Variants in CAPN13 observed in about 807,000 individuals in gnomAD.
CAPN13 encodes the protein calpain 13.
CAPN13 carries 90 observed loss-of-function variants against 98.4 expected under a neutral mutation model. The observed-to-expected ratio is 0.92, with a 90% CI of 0.77 to 1.09. The LOEUF (loss-of-function observed/expected upper bound fraction) is 1.09, where lower values mean the gene tolerates loss of function less well. Ranked by LOEUF, CAPN13 falls within the 50% of genes least tolerant of loss-of-function variation. The probability of loss-of-function intolerance (pLI) is 0.00; values close to 1 mark genes in which losing one functional copy is unlikely to be tolerated. For missense variants in CAPN13, 887 were observed against 841.3 expected (o/e 1.05, Z -0.67); for synonymous variants, 330 against 305.5 (o/e 1.08, Z -0.84).
At chr2:30,769,895 C>T (rs1316165597) in intron 5 of CAPN13, among the ~76,000 whole-genome samples, 1 of 152,134 alleles carries the variant, frequency 6.6e-6, no homozygotes, top group Non-Finnish European at 1.5e-5. Context: ...CACCTATCCC[C>T]TCTCCCCTTG....
intron 15 of CAPN13, chr2:30,741,667 C>T (rs1377554369): frequency 4.4e-6 from 6 of 1,361,328 alleles, no homozygotes; most frequent in Non-Finnish European, 4.7e-6. Context: ...TTATCCCCTC[C>T]CTTTCTAAGC....
At chr2:30,759,804 C>G (rs1432194867) in intron 7 of CAPN13, among the ~76,000 whole-genome samples, 1 of 152,200 alleles carries the variant, frequency 6.6e-6, no homozygotes, top group Non-Finnish European at 1.5e-5. Context: ...TTGGATGTGG[C>G]TGTGACCTTG....
intron 20 of CAPN13, among the ~76,000 whole-genome samples, chr2:30,732,175 C>G (rs1343930445): frequency 1.7e-4 from 26 of 152,110 alleles, no homozygotes; most frequent in Admixed American, 1.7e-3. Flanking sequence ...GAGACGGGGA[C>G]AGCGTTAACC....
chr2:30,763,161 A>G lies in CAPN13; in HGVS notation c.700-5T>C, dbSNP rs1313228095. ...CGCCTGTGCTGTATCTGTTGGCTTC[A>G]AGGCAGAAAAGCAGATCAAACATTA... On this transcript the variant is annotated splice_region_variant and splice_polypyrimidine_tract_variant and intron_variant, in intron 6 of 22. Transcript: ENST00000295055. The G allele has an allele frequency of 6.2e-7, 1 of 1,609,472 alleles. No individual in the cohort carries two copies. Among genetic ancestry groups the G allele is most frequent in the Non-Finnish European group, 8.5e-7 (1 of 1,177,686 alleles).
At chr2:30,778,948 G>T (rs1673842967) in intron 2 of CAPN13, among the ~76,000 whole-genome samples, 1 of 152,186 alleles carries the variant, frequency 6.6e-6, no homozygotes, top group African/African-American at 2.4e-5. Flanking sequence ...GCCTTCGGCT[G>T]CATGCAGAGC....
At chr2:30,753,823 G>A (rs561346517) in intron 9 of CAPN13, among the ~76,000 whole-genome samples, 22 of 152,150 alleles carry the variant, frequency 1.4e-4, no homozygotes, top group Non-Finnish European at 2.2e-4. Context: ...GGCCGAGAAC[G>A]TGTTTTCAAA....
chr2:30,804,364 C>T (rs6734715), intron 1 of CAPN13, among the ~76,000 whole-genome samples: 18 of 152,244 alleles, frequency 1.2e-4, no homozygotes, highest in African/African-American at 4.3e-4. Flanking sequence ...CCATGCCTGT[C>T]TAATTTTTTT....
At chr2:30,744,585 T>C (rs552227107) in intron 12 of CAPN13, among the ~76,000 whole-genome samples, 100 of 152,246 alleles carry the variant, frequency 6.6e-4, no homozygotes, top group African/African-American at 2.4e-3. Flanking sequence ...GCAGCATGCC[T>C]CCTATAATTA....
intron 22 of CAPN13, among the ~76,000 whole-genome samples, chr2:30,727,007 A>G (rs1355965538): frequency 6.6e-6 from 1 of 152,224 alleles, no homozygotes; most frequent in Non-Finnish European, 1.5e-5. Context: ...ACATAAATCA[A>G]TTGAACAGAA....
intron 2 of CAPN13, among the ~76,000 whole-genome samples, chr2:30,783,546 A>G (rs1674101589): frequency 6.6e-6 from 1 of 152,236 alleles, no homozygotes; most frequent in Admixed American, 6.5e-5. Flanking sequence ...GTAAGATGGC[A>G]GGGAGGAGAA....
Position 30,787,047 on chromosome 2 carries a change from C to T in CAPN13, c.198+81G>A, listed in dbSNP as rs113145111. On this transcript the variant is annotated intron_variant, in intron 2 of 22. Transcript: ENST00000295055. ...TTCTCCTTCCAGTTTGGTTTGGCTC[C>T]ACCTCCTTTTGGCTGGAGGTGCCAT... 3.2e-4 allele frequency: 365 copies of T among 1,151,854 alleles called. 1 individual carries two copies. The African/African-American group carries it at 4.7e-3, about 15-fold the overall frequency. 71.4% of individuals were successfully genotyped at this position (1,151,854 alleles called of 1,614,324 possible).
chr2:30,774,262 A>G (rs1173861043), intron 4 of CAPN13, among the ~76,000 whole-genome samples: 1 of 152,066 alleles, frequency 6.6e-6, no homozygotes, highest in Non-Finnish European at 1.5e-5. Flanking sequence ...AAATTAGGAG[A>G]AAGTATAAAG....
chr2:30,758,339 A>G (rs1326186479), intron 7 of CAPN13, among the ~76,000 whole-genome samples: 1 of 152,228 alleles, frequency 6.6e-6, no homozygotes, highest in Non-Finnish European at 1.5e-5. Context: ...TAGACAAGGA[A>G]ATGGCCCCTC....
chr2:30,752,995 G>A (rs1672255267), intron 10 of CAPN13, 58 bp downstream of exon 10: 2 of 1,591,938 alleles, frequency 1.3e-6, no homozygotes, highest in Non-Finnish European at 1.7e-6. Context: ...CCATGCAAGG[G>A]CTGGGCTGGG....
intron 2 of CAPN13, 79 bp from the exon 3 acceptor site, chr2:30,777,718 C>A: frequency 1.6e-6 from 2 of 1,221,650 alleles, no homozygotes; most frequent in Non-Finnish European, 2.4e-6. Flanking sequence ...CTTTGTCTTT[C>A]AAGGGTCGAG....
In CAPN13 at chr2:30,770,179, C is replaced by T. The variant is rs978873901; in HGVS notation, c.524+134G>A. The stretch of plus-strand genomic sequence containing the variant: ...CTGATGGCCCCAACATGGACCTTTG[C>T]ACGTGGTGATTGTTTATGGAGATGC... On this transcript the variant is annotated intron_variant, in intron 5 of 22. Transcript: ENST00000295055. The T allele has an allele frequency of 6.6e-6, 8 of 1,211,972 alleles. No homozygotes were observed. The Admixed American group carries it at 1.5e-4, about 23-fold the overall frequency. 75.1% of individuals were successfully genotyped at this position (1,211,972 alleles called of 1,614,324 possible). A position where few individuals can be genotyped will look rare whatever the true frequency, so the allele number is the denominator to read the frequency against.
chr2:30,758,192 A>G, intron 7 of CAPN13, 55 bp from the exon 8 acceptor site: 1 of 1,344,658 alleles, frequency 7.4e-7, no homozygotes, highest in Non-Finnish European at 1.0e-6. Flanking sequence ...GTCAGCAGAA[A>G]GGGGGATGAA....
intron 1 of CAPN13, among the ~76,000 whole-genome samples, chr2:30,800,116 A>AAAAGAAAG (rs60233900): frequency 0.13 from 11,156 of 85,510 alleles, 1,333 homozygotes; most frequent in East Asian, 0.17. Flanking sequence ...GAAAAGAAAG[A>AAAAGAAAG]AAAGAAAGAA....
chr2:30,726,360 C>T (rs148290555), intron 22 of CAPN13, among the ~76,000 whole-genome samples: 7 of 152,190 alleles, frequency 4.6e-5, no homozygotes, highest in Admixed American at 2.0e-4. Context: ...CACTTCTATT[C>T]GGCATTGTAT....
Sources: gnomAD v4.1 joint callset for allele counts (sites outside exome capture counted in the v4.1 genomes callset) on GRCh38, gnomAD v4.1.1 for gene constraint, MANE v1.5 for transcripts, NCBI Gene and HGNC (gene_info 2026-07-23, HGNC 2026-07-21) for gene names.